PC: variants seen among roughly 807,000 people sequenced by gnomAD.
The protein encoded by PC is pyruvate carboxylase, also known as pyruvate carboxylase, mitochondrial.
PC carries 46 observed loss-of-function variants against 107.8 expected under a neutral mutation model. The ratio of observed to expected loss-of-function variants is 0.43; its 90% CI spans 0.34 to 0.55. The LOEUF (loss-of-function observed/expected upper bound fraction) is 0.55. PC is among the 20% of genes least tolerant of loss of function. PC has a pLI of 0.04. For missense variants in PC, 1,241 were observed against 1,643.1 expected, an observed-to-expected ratio of 0.76 and a Z score of 4.23; for synonymous variants, 662 against 684.7, an observed-to-expected ratio of 0.97 and a Z score of 0.52.
At chr11:66,914,855 C>T (rs1948429011) in intron 3 of PC, among the ~76,000 whole-genome samples, 1 of 151,916 alleles carries the variant, frequency 6.6e-6, no homozygotes, top group Admixed American at 6.6e-5. Flanking sequence ...GGCAACATAG[C>T]AAGACTCCAC....
Position 66,850,799 on chromosome 11 carries a change from A to G in PC, c.2348T>C (p.Met783Thr), listed in dbSNP as rs1169407991. The G allele has an allele frequency of 5.0e-6, 8 of 1,611,418 alleles. No individual in the cohort carries two copies. Among genetic ancestry groups the G allele is most frequent in the Non-Finnish European group, 6.8e-6 (8 of 1,179,962 alleles). Residue 783 changes from methionine to threonine, a missense_variant, in exon 18 of 23, where the codon ATG (methionine) becomes ACG (threonine). This residue lies in a region of PC where 1,143 missense variants were observed against 1,551.9 expected (regional missense o/e 0.74). Transcript: ENST00000393960. ...AGCTCCAGCCTGGGCACAGGCCAGC[A>G]TGGCTGCCACGCCTGCCCCTGACGT... ...HDTSGAGVAA[M>T]LACAQAGADV...
At chr11:66,856,295 C>G (rs542473846) in intron 12 of PC, among the ~76,000 whole-genome samples, 1 of 152,214 alleles carries the variant, frequency 6.6e-6, no homozygotes, top group Non-Finnish European at 1.5e-5. Flanking sequence ...GTTGGGAAGC[C>G]GCGCCGCGCA....
At position 66,858,153 on chromosome 11, in the gene PC, C is replaced by T. The variant is rs1224654380; in HGVS notation, c.1369-4770G>A. 3 of 1,610,790 alleles carry T rather than the reference C, an allele frequency of 1.9e-6. No individual in the cohort carries two copies. Among genetic ancestry groups the T allele is most frequent in the South Asian group, 1.1e-5 (1 of 91,038 alleles). On this transcript the variant is annotated intron_variant, in intron 12 of 22. Transcript: ENST00000393960. This position sits in a 1 kb window ranked among gnomAD's most constrained non-coding sequence, Gnocchi z 5.9. The stretch of plus-strand genomic sequence containing the variant: ...CGGCAACCAGCTGGGCCGCATCGCG[C>T]CGGGAGCCTTCGACGACTTCCTAGA...
chr11:66,876,604 C>T (rs1227381896), intron 3 of PC, among the ~76,000 whole-genome samples: 7 of 152,214 alleles, frequency 4.6e-5, no homozygotes, highest in South Asian at 2.1e-4. Context: ...GAACGTCAGA[C>T]GTTATCACCC....
intron 3 of PC, among the ~76,000 whole-genome samples, chr11:66,886,640 A>G (rs1463811746): frequency 6.6e-6 from 1 of 152,132 alleles, no homozygotes; most frequent in Non-Finnish European, 1.5e-5. Context: ...AACAGCACCC[A>G]TTAGATGGGA....
chr11:66,917,508 A>C (rs952323301), intron 3 of PC, among the ~76,000 whole-genome samples: 1 of 152,220 alleles, frequency 6.6e-6, no homozygotes, highest in Admixed American at 6.5e-5. Context: ...TGATAAGCTA[A>C]GAGGTCAAGT....
intron 3 of PC, among the ~76,000 whole-genome samples, chr11:66,898,658 C>T (rs1305581541): frequency 2.0e-5 from 3 of 151,998 alleles, no homozygotes; most frequent in Non-Finnish European, 2.9e-5. Context: ...CCAGCCTGGG[C>T]GACAGAGCAA....
At position 66,858,139 on chromosome 11, in the gene PC, TG is replaced by T; in HGVS notation, c.1369-4757del. The T allele has an allele frequency of 6.2e-7, 1 of 1,610,650 alleles. No individual in the cohort carries two copies. The highest frequency in any genetic ancestry group is 1.1e-5 in the South Asian group (1 of 91,022). On this transcript the variant is annotated intron_variant, in intron 12 of 22. Transcript: ENST00000393960. This position sits in a 1 kb window ranked among gnomAD's most constrained non-coding sequence, Gnocchi z 5.9. ...CACCTCATCCTCAGCGGCAACCAGC[TG>T]GGCCGCATCGCGCCGGGAGCCTTCG...
At position 66,863,790 on chromosome 11, in the gene PC, C is replaced by T. The variant is rs1419532573; in HGVS notation, c.1352G>A (p.Arg451His). ...TKMSRALAEF[R>H]VRGVKTNIAF... is the part of the protein sequence containing the mutation. The stretch of plus-strand genomic sequence containing the variant: ...GCCTCTCACCTTCACACCTCGGACG[C>T]GGAACTCCGCAAGGGCCCTGCTCAT... Residue 451 changes from arginine to histidine, a missense_variant, in exon 12 of 23, where the codon CGC becomes CAC. Arg to His is a conservative substitution (Grantham distance 29). This residue lies in a region of PC where 1,143 missense variants were observed against 1,551.9 expected (regional missense o/e 0.74). Transcript: ENST00000393960. The T allele has an allele frequency of 6.2e-7, 1 of 1,611,088 alleles. No homozygotes were observed. The highest frequency in any genetic ancestry group is 1.3e-5 in the African/African-American group (1 of 74,700).
intron 13 of PC, 103 bp downstream of exon 13, chr11:66,853,136 C>T (rs966287035): frequency 7.6e-7 from 1 of 1,319,474 alleles, no homozygotes; most frequent in Non-Finnish European, 1.1e-6. Context: ...GGGCAGGGGG[C>T]ACTAAGGAGT....
At chr11:66,923,790 G>A (rs1320679668) in intron 3 of PC, among the ~76,000 whole-genome samples, 1 of 148,734 alleles carries the variant, frequency 6.7e-6, no homozygotes, top group African/African-American at 2.5e-5. Context: ...AAAGTGCTAG[G>A]ATTACAGATG....
At chr11:66,868,770 C>T in intron 10 of PC, 76 bp downstream of exon 10, 1 of 1,169,664 alleles carries the variant, frequency 8.5e-7, no homozygotes, top group Non-Finnish European at 1.3e-6. Flanking sequence ...TGGCTGGCCC[C>T]AGGAGCCACT....
chr11:66,848,923 G>C lies in PC; in HGVS notation c.3513C>G (p.Asp1171Glu). 6.2e-7 allele frequency: 1 copy of C among 1,613,912 alleles called. No individual in the cohort carries two copies. Among genetic ancestry groups the C allele is most frequent in the South Asian group, 1.1e-5 (1 of 91,090 alleles). ...HVTKDMTLEGDDLILEIE is the reference protein window; with the variant it reads ...HVTKDMTLEGEDLILEIE ...ATCACTCGATCTCCAGGATGAGGTC[G>C]TCACCTTCCAGTGTCATGTCCTTGG... The change falls in exon 23 of 23, where the codon GAC (aspartate) becomes GAG (glutamate). Residue 1171 changes from aspartate (D) to glutamate (E), a missense_variant. Asp to Glu is a conservative substitution (Grantham distance 45). This residue lies in a region of PC where 98 missense variants were observed against 91.2 expected (regional missense o/e 1.07). Coordinates refer to ENST00000393960, the MANE Select transcript of PC (RefSeq NM_001040716.2).
At chr11:66,942,526 T>C (rs1253888122) in intron 3 of PC, among the ~76,000 whole-genome samples, 5 of 152,074 alleles carry the variant, frequency 3.3e-5, no homozygotes, top group Non-Finnish European at 2.9e-5. Context: ...ATGAGGTGCC[T>C]AGAGCAGTCC....
chr11:66,870,325 C>A lies in PC; in HGVS notation c.880G>T (p.Asp294Tyr). 6.2e-7 allele frequency: 1 copy of A among 1,613,528 alleles called. No individual in the cohort carries two copies. Among genetic ancestry groups the A allele is most frequent in the Non-Finnish European group, 8.5e-7 (1 of 1,180,016 alleles). ...DPQLRTRLTS[D>Y]SVKLAKQVGY... The stretch of plus-strand genomic sequence containing the variant: ...ACCTGTTTAGCGAGTTTCACAGAGT[C>A]GCTGGTGAGCCGAGTCCGAAGCTGC... The change falls in exon 9 of 23, where the codon GAC becomes TAC. Residue 294 changes from aspartate (D) to tyrosine (Y), a missense_variant. Around this residue, in one of 2 missense-constraint regions of PC, gnomAD observed 1,143 missense variants for 1,551.9 expected, o/e 0.74. Transcript: ENST00000393960. This position sits in a 1 kb window ranked among gnomAD's most constrained non-coding sequence, Gnocchi z 6.1.
At chr11:66,919,421 T>C (rs1948542504) in intron 3 of PC, among the ~76,000 whole-genome samples, 3 of 152,084 alleles carry the variant, frequency 2.0e-5, no homozygotes, top group Admixed American at 6.5e-5. Context: ...GTCTCAAAAA[T>C]AAAACAATTA....
chr11:66,908,844 G>A (rs542030809), intron 3 of PC, among the ~76,000 whole-genome samples: 1 of 152,028 alleles, frequency 6.6e-6, no homozygotes, highest in Non-Finnish European at 1.5e-5. Flanking sequence ...GAAAAGTCAG[G>A]GTGGAGGGAT....
chr11:66,907,627 C>A (rs761173656), intron 3 of PC, among the ~76,000 whole-genome samples: 8 of 152,204 alleles, frequency 5.3e-5, no homozygotes, highest in Non-Finnish European at 8.8e-5. Context: ...CCCCACAGCT[C>A]TTGAGAAATG....
In PC at chr11:66,851,944, C is replaced by T. The variant is rs28940589; in HGVS notation, c.1828G>A (p.Ala610Thr). 1.2e-6 allele frequency: 2 copies of T among 1,613,880 alleles called. No homozygotes were observed. The highest frequency in any genetic ancestry group is 1.7e-6 in the Non-Finnish European group (2 of 1,179,972). Residue 610 changes from alanine to threonine, a missense_variant and splice_region_variant, in exon 16 of 23, where the codon GCC becomes ACC. Transcript: ENST00000393960. ...KLFSMENWGG[A>T]TFDVAMRFLY... ...AAGCGCATGGCGACGTCAAACGTGG[C>T]TCCTGCACAGGAACCGAGAGGCCCA...
Sources: allele counts gnomAD v4.1 joint callset (sites outside exome capture counted in the v4.1 genomes callset), GRCh38; gene constraint gnomAD v4.1.1; regional missense constraint gnomAD v4.1.1; non-coding constraint Gnocchi (gnomAD v3.1); transcripts MANE v1.5; gene names NCBI Gene and HGNC (gene_info 2026-07-23, HGNC 2026-07-21).